SMAD3: variants seen among roughly 807,000 people sequenced by gnomAD.
SMAD3 encodes the protein MAD homolog 3.
Under a neutral mutation model 51.8 loss-of-function variants are expected in SMAD3, and 12 were observed. The ratio of observed to expected loss-of-function variants is 0.23; its 90% CI spans 0.15 to 0.38. The LOEUF (loss-of-function observed/expected upper bound fraction) is 0.38, where lower values mean the gene tolerates loss of function less well. Ranked by LOEUF, SMAD3 falls within the 10% of genes least tolerant of loss-of-function variation. The pLI, the probability that SMAD3 is intolerant of heterozygous loss-of-function variation, is 1.00. For missense variants in SMAD3, 294 were observed against 565.6 expected (o/e 0.52, Z 4.87); for synonymous variants, 238 against 227.7 (o/e 1.05, Z -0.41).
At chr15:67,153,260 G>A (rs1352658614) in intron 1 of SMAD3, among the ~76,000 whole-genome samples, 2 of 152,170 alleles carry the variant, frequency 1.3e-5, no homozygotes, top group Non-Finnish European at 2.9e-5. Context: ...GGGAGGCTGG[G>A]GCAGGTGGAT....
At chr15:67,148,845 C>T (rs2140274340) in intron 1 of SMAD3, among the ~76,000 whole-genome samples, 1 of 152,336 alleles carries the variant, frequency 6.6e-6, no homozygotes, top group Non-Finnish European at 1.5e-5. Flanking sequence ...ATTCCATTAC[C>T]ATTACTATTT....
At chr15:67,094,288 G>A (rs1330598239) in intron 1 of SMAD3, among the ~76,000 whole-genome samples, 1 of 152,202 alleles carries the variant, frequency 6.6e-6, no homozygotes, top group East Asian at 1.9e-4. Context: ...GAAGCTTCTG[G>A]GACCAGAGAA....
intron 1 of SMAD3, among the ~76,000 whole-genome samples, chr15:67,088,616 G>C (rs1175521872): frequency 6.6e-6 from 1 of 152,168 alleles, no homozygotes; most frequent in African/African-American, 2.4e-5. Context: ...GTGGGAGGGG[G>C]CAGCTGCTCT....
intron 1 of SMAD3, among the ~76,000 whole-genome samples, chr15:67,100,898 A>T (rs902893987): frequency 6.6e-6 from 1 of 152,138 alleles, no homozygotes; most frequent in South Asian, 2.1e-4. Context: ...CTCACTTTCT[A>T]TTGGGGAAGT....
chr15:67,144,005 A>G lies in SMAD3; in HGVS notation c.207-20890A>G, dbSNP rs1204869728. Among the ~76,000 whole-genome samples, 4 of 151,822 alleles carry G rather than the reference A, an allele frequency of 2.6e-5. No homozygotes were observed. In the East Asian group the frequency reaches 5.8e-4, roughly 22 times the overall value. ...TCTTTAATGTTTGTATTGAGGTGTA[A>G]TATGCAATAAAAGGCACATATTTAA... On this transcript the variant is annotated intron_variant, in intron 1 of 8. Coordinates refer to ENST00000327367, the MANE Select transcript of SMAD3 (RefSeq NM_005902.4).
At chr15:67,125,071 G>A (rs1466365944) in intron 1 of SMAD3, among the ~76,000 whole-genome samples, 1 of 152,212 alleles carries the variant, frequency 6.6e-6, no homozygotes, top group Non-Finnish European at 1.5e-5. Context: ...TGGGTGGGTC[G>A]GGGAAAGGGA....
chr15:67,090,247 G>T (rs1960482132), intron 1 of SMAD3, among the ~76,000 whole-genome samples: 1 of 152,166 alleles, frequency 6.6e-6, no homozygotes, highest in Non-Finnish European at 1.5e-5. Flanking sequence ...TCCTGGGGTG[G>T]TGGGAAGAGC....
intron 1 of SMAD3, among the ~76,000 whole-genome samples, chr15:67,105,316 G>C (rs1279930070): frequency 1.3e-5 from 2 of 152,180 alleles, no homozygotes. Flanking sequence ...TGGGGACTCA[G>C]GCAGGATGGG....
At position 67,123,188 on chromosome 15, in the gene SMAD3, C is replaced by CAA. The variant is rs34458678; in HGVS notation, c.207-41685_207-41684dup. Among the ~76,000 whole-genome samples the CAA allele has an allele frequency of 2.0e-3, 187 of 93,758 alleles. 2 individuals are homozygous for CAA. The highest frequency in any genetic ancestry group is 7.3e-3 in the African/African-American group (173 of 23,584). 61.5% of individuals were successfully genotyped at this position (93,758 alleles called of 152,430 possible). A position where few individuals can be genotyped will look rare whatever the true frequency, so the allele number is the denominator to read the frequency against. On this transcript the variant is annotated intron_variant, in intron 1 of 8. Transcript: ENST00000327367. ...TGGGCAACAGAGTGAGACCCTGTCT[C>CAA]AAAAAAAAAAAAAAAAAAAAAAATC...
intron 1 of SMAD3, among the ~76,000 whole-genome samples, chr15:67,087,336 A>G (rs890430448): frequency 6.6e-6 from 1 of 152,122 alleles, no homozygotes; most frequent in African/African-American, 2.4e-5. Flanking sequence ...CTTTGTCTGC[A>G]AGTGGGGGGG....
intron 1 of SMAD3, chr15:67,138,215 G>A: frequency 1.3e-6 from 1 of 798,260 alleles, no homozygotes; most frequent in Non-Finnish European, 2.1e-6. Flanking sequence ...CTCTTTCTCT[G>A]GGTGGGGATG....
At position 67,190,692 on chromosome 15, in the gene SMAD3, G is replaced by A. The variant is rs958733373; in HGVS notation, c.*156G>A. The A allele has an allele frequency of 1.2e-5, 9 of 741,192 alleles. No homozygotes were observed. Among genetic ancestry groups the A allele is most frequent in the Admixed American group, 2.2e-5 (1 of 45,668 alleles). The allele number at this position is 741,192 out of a possible 1,614,324, so 45.9% of individuals were successfully genotyped here. On this transcript the variant is annotated 3_prime_UTR_variant, in exon 9 of 9. Coordinates refer to ENST00000327367, the MANE Select transcript of SMAD3 (RefSeq NM_005902.4). ...CACCCACCTGTTTTCTGAAACACAC[G>A]AGCAAACCCAGAGGTGGATGTTATG...
Position 67,182,996 on chromosome 15 carries a change from AAAAAATATATAT to A in SMAD3, c.871+1545_871+1556del, listed in dbSNP as rs1475187455. On this transcript the variant is annotated intron_variant, in intron 6 of 8. Coordinates refer to ENST00000327367, the MANE Select transcript of SMAD3 (RefSeq NM_005902.4). ...TTTTCTATATTTTATTAAAAAAAAA[AAAAAATATATAT>A]ATATATATATATATATATATATATT... Among the ~76,000 whole-genome samples, 11 of 55,376 alleles carry A rather than the reference AAAAAATATATAT, an allele frequency of 2.0e-4. No individual in the cohort carries two copies. The East Asian group carries it at 3.5e-3, about 18-fold the overall frequency. 36.3% of individuals were successfully genotyped at this position (55,376 alleles called of 152,430 possible).
intron 1 of SMAD3, among the ~76,000 whole-genome samples, chr15:67,124,549 G>A (rs139190752): frequency 3.9e-5 from 6 of 152,302 alleles, no homozygotes; most frequent in African/African-American, 1.2e-4. Flanking sequence ...ATTAGAAAAA[G>A]AAAAAGATTT....
intron 5 of SMAD3, among the ~76,000 whole-genome samples, chr15:67,171,053 T>C (rs11071939): frequency 0.061 from 9,232 of 152,314 alleles, 336 homozygotes; most frequent in Admixed American, 0.098. Context: ...TAGCAACATA[T>C]ACGGAATTTG....
chr15:67,074,089 A>G (rs1204724352), intron 1 of SMAD3, among the ~76,000 whole-genome samples: 1 of 152,240 alleles, frequency 6.6e-6, no homozygotes, highest in Non-Finnish European at 1.5e-5. Flanking sequence ...ATTAATTTAC[A>G]TAAGTAAAAA....
chr15:67,176,716 A>C (rs1002054759), intron 5 of SMAD3, among the ~76,000 whole-genome samples: 5 of 152,234 alleles, frequency 3.3e-5, no homozygotes, highest in African/African-American at 9.6e-5. Flanking sequence ...TTAGGCTGGC[A>C]GGGGGCCAGC....
At chr15:67,123,602 A>G (rs1398155885) in intron 1 of SMAD3, among the ~76,000 whole-genome samples, 1 of 152,272 alleles carries the variant, frequency 6.6e-6, no homozygotes, top group Non-Finnish European at 1.5e-5. Context: ...TGAGCTTATC[A>G]TCACCTTCAG....
intron 1 of SMAD3, among the ~76,000 whole-genome samples, chr15:67,079,204 C>T (rs1204492211): frequency 6.6e-6 from 1 of 151,976 alleles, no homozygotes; most frequent in East Asian, 1.9e-4. Context: ...TCTCGAACTC[C>T]CGACCTCAGG....
Sources: allele counts gnomAD v4.1 joint callset (sites outside exome capture counted in the v4.1 genomes callset), GRCh38; gene constraint gnomAD v4.1.1; transcripts MANE v1.5; gene names NCBI Gene and HGNC (gene_info 2026-07-23, HGNC 2026-07-21).